Variants in F8 observed in about 807,000 individuals in gnomAD.
The protein encoded by F8 is antihemophilic factor.
Under a neutral mutation model 140.6 loss-of-function variants are expected in F8, and 12 were observed. That is an observed-to-expected ratio of 0.09 (90% CI 0.05 to 0.14). F8 has a LOEUF of 0.14. Among genes scored for constraint, F8 ranks in the 10% least tolerant of loss-of-function variants. The probability of loss-of-function intolerance (pLI) is 1.00; values close to 1 mark genes in which losing one functional copy is unlikely to be tolerated. For missense variants in F8, 1,354 were observed against 1,720.7 expected, an observed-to-expected ratio of 0.79 and a Z score of 3.77; for synonymous variants, 585 against 614.6, an observed-to-expected ratio of 0.95 and a Z score of 0.71.
chrX:154,875,013 C>T (rs1424423310), intron 22 of F8, among the ~76,000 whole-genome samples: 2 of 111,371 alleles, frequency 1.8e-5, no homozygotes, highest in African/African-American at 6.5e-5. Context: ...TGGAATATTC[C>T]CACAATTATA....
At chrX:154,988,274 T>C (rs2073569885) in intron 4 of F8, among the ~76,000 whole-genome samples, 1 of 112,313 alleles carries the variant, frequency 8.9e-6, no homozygotes, top group Admixed American at 9.4e-5. Flanking sequence ...TCATCTAAAT[T>C]ACTTTGACAC....
At chrX:154,931,724 T>C in intron 13 of F8, 48 bp from the exon 14 acceptor site, 1 of 1,083,940 alleles carries the variant, frequency 9.2e-7, no homozygotes, top group Non-Finnish European at 1.3e-6. Context: ...ACACAGATTC[T>C]AAAACGTTCT....
intron 25 of F8, among the ~76,000 whole-genome samples, chrX:154,839,519 T>C (rs782692360): frequency 2.8e-4 from 31 of 109,734 alleles, no homozygotes; most frequent in East Asian, 2.1e-3. Flanking sequence ...CCCGCCACCA[T>C]GCCCGGCTCA....
At chrX:154,977,930 T>C (rs2124120839) in intron 6 of F8, among the ~76,000 whole-genome samples, 1 of 110,910 alleles carries the variant, frequency 9.0e-6, no homozygotes, top group East Asian at 2.8e-4. Context: ...TAATATGTCA[T>C]GAAATCTTTG....
chrX:154,956,280 C>T (rs982863935), intron 11 of F8, among the ~76,000 whole-genome samples: 3 of 111,612 alleles, frequency 2.7e-5, no homozygotes, highest in East Asian at 2.8e-4. Context: ...GTGCAGATAA[C>T]GCAATCATCA....
intron 14 of F8, among the ~76,000 whole-genome samples, chrX:154,913,363 C>G (rs1318080977): frequency 1.8e-5 from 2 of 111,236 alleles, no homozygotes; most frequent in Non-Finnish European, 3.8e-5. Flanking sequence ...TATGTTTCCA[C>G]CCATGGCCCC....
At chrX:154,982,275 G>A (rs782707040) in intron 6 of F8, among the ~76,000 whole-genome samples, 54 of 105,554 alleles carry the variant, frequency 5.1e-4, no homozygotes, top group African/African-American at 1.6e-3. Flanking sequence ...ATGAAACCCC[G>A]TCTCTACTAA....
At chrX:155,003,379 C>T (rs1197676279) in intron 1 of F8, among the ~76,000 whole-genome samples, 8 of 98,689 alleles carry the variant, frequency 8.1e-5, no homozygotes, top group Non-Finnish European at 1.6e-4. Context: ...GAGGACATGA[C>T]AATAGAAACT....
intron 6 of F8, chrX:154,977,244 G>A (rs1332390065): frequency 9.0e-6 from 1 of 111,427 alleles, no homozygotes; most frequent in African/African-American, 3.3e-5. Context: ...ACAGGTTATG[G>A]TAATTATTTT....
chrX:155,015,139 A>C (rs1465238006), intron 1 of F8, among the ~76,000 whole-genome samples: 7 of 112,168 alleles, frequency 6.2e-5, no homozygotes, highest in African/African-American at 2.3e-4. Flanking sequence ...TTAATTTTCT[A>C]CAAAGGCACC....
At chrX:155,003,828 GC>G (rs2073661292) in intron 1 of F8, among the ~76,000 whole-genome samples, 2 of 109,713 alleles carry the variant, frequency 1.8e-5, no homozygotes, top group East Asian at 5.7e-4. Context: ...AGCTGTGGTG[GC>G]GGGTGCCTGT....
At chrX:154,959,223 A>G (rs1557281446) in intron 10 of F8, among the ~76,000 whole-genome samples, 1 of 109,365 alleles carries the variant, frequency 9.1e-6, no homozygotes, top group East Asian at 2.9e-4. Flanking sequence ...AAAAAATAAA[A>G]ATAATAAAAA....
At chrX:154,955,654 C>T (rs1293688839) in intron 11 of F8, among the ~76,000 whole-genome samples, 2 of 110,599 alleles carry the variant, frequency 1.8e-5, no homozygotes, top group African/African-American at 3.3e-5. Context: ...TGTGATGCCC[C>T]CAAGCCGCAA....
chrX:154,986,449 C>A (rs1256817367), intron 5 of F8, among the ~76,000 whole-genome samples: 2 of 110,294 alleles, frequency 1.8e-5, no homozygotes, highest in Admixed American at 9.7e-5. Context: ...GCCACCATGA[C>A]CGGCTGATTT....
At chrX:154,875,609 A>G (rs929751772) in intron 22 of F8, among the ~76,000 whole-genome samples, 1 of 111,724 alleles carries the variant, frequency 9.0e-6, no homozygotes, top group African/African-American at 3.3e-5. Context: ...TTTTAATAAG[A>G]CCCTTAGCTG....
At position 154,928,939 on chromosome X, in the gene F8, A is replaced by G. The variant is rs1557278324; in HGVS notation, c.4851T>C (p.Ile1617=). The change falls in exon 14 of 26, where the codon ATT becomes ATC. Residue 1617 remains isoleucine (I), a synonymous_variant. Coordinates refer to ENST00000360256, the MANE Select transcript of F8 (RefSeq NM_000132.4). ...EKTAFKKKDT[I]LSLNACESNH... ...TGCTTTCACAAGCGTTCAGGGACAAAATGGTATCCTTTTTCTTAAAAGCTG... is the reference window on the plus strand; with the variant it reads ...TGCTTTCACAAGCGTTCAGGGACAAGATGGTATCCTTTTTCTTAAAAGCTG... 1 of 1,211,556 alleles carries G rather than the reference A, an allele frequency of 8.3e-7. No homozygotes were observed. The highest frequency in any genetic ancestry group is 3.0e-5 in the East Asian group (1 of 33,849).
chrX:154,929,986 T>G lies in F8; in HGVS notation c.3804A>C (p.Gln1268His). The change falls in exon 14 of 26, where the codon CAA becomes CAC. Residue 1268 changes from glutamine to histidine, a missense_variant. Gln to His is a conservative substitution (Grantham distance 24). Coordinates refer to ENST00000360256, the MANE Select transcript of F8 (RefSeq NM_000132.4). ...TTGAATCATTTAATGACCTAAAATC[T>G]TGAAGTACTGGAGCATATGCCCCGT... ...SYDGAYAPVLQDFRSLNDSTN... is the reference protein window; with the variant it reads ...SYDGAYAPVLHDFRSLNDSTN... The G allele has an allele frequency of 8.3e-7, 1 of 1,211,225 alleles. No individual in the cohort carries two copies. The highest frequency in any genetic ancestry group is 1.1e-6 in the Non-Finnish European group (1 of 895,028).
At chrX:155,004,019 T>C (rs782409960) in intron 1 of F8, among the ~76,000 whole-genome samples, 1 of 97,982 alleles carries the variant, frequency 1.0e-5, no homozygotes, top group South Asian at 5.1e-4. Flanking sequence ...AAAAAAACCC[T>C]ACACCTAGGC....
Position 154,903,927 on chromosome X carries a change from C to A in F8, c.5977G>T (p.Ala1993Ser), listed in dbSNP as rs781882407. The change falls in exon 18 of 26, where the codon GCA (alanine) becomes TCA (serine). Residue 1993 changes from alanine to serine, a missense_variant. Around this residue, in one of 4 missense-constraint regions of F8, gnomAD observed 316 missense variants for 485.4 expected, o/e 0.65. Transcript: ENST00000360256. Reference sequence around the variant, plus strand: ...ATACCTGGATAGAGATTGTACAGTGCCATTTTATACTCCTCTTTTTTTCGT... The same window carrying A: ...ATACCTGGATAGAGATTGTACAGTGACATTTTATACTCCTCTTTTTTTCGT... Reference protein sequence around the residue: ...TVRKKEEYKMALYNLYPGVFE... With the variant: ...TVRKKEEYKMSLYNLYPGVFE... 9.1e-6 allele frequency: 11 copies of A among 1,207,896 alleles called. No homozygotes were observed. In the African/African-American group the frequency reaches 1.4e-4, roughly 15 times the overall value.
Sources: allele counts gnomAD v4.1 joint callset (sites outside exome capture counted in the v4.1 genomes callset), GRCh38; gene constraint gnomAD v4.1.1; regional missense constraint gnomAD v4.1.1; transcripts MANE v1.5; gene names NCBI Gene and HGNC (gene_info 2026-07-23, HGNC 2026-07-21).